Variants in TERF1 observed in about 807,000 individuals in gnomAD.
TERF1 encodes telomeric repeat-binding factor 1.
A neutral mutation model predicts 55.1 loss-of-function variants in TERF1; 20 were observed. That is an observed-to-expected ratio of 0.36 (90% CI 0.26 to 0.53). TERF1 has a LOEUF of 0.53. Ranked by LOEUF, TERF1 falls within the 20% of genes least tolerant of loss-of-function variation. The pLI, the probability that TERF1 is intolerant of heterozygous loss-of-function variation, is 0.91. For missense variants in TERF1, 439 were observed against 535.7 expected (o/e 0.82, Z 1.78); for synonymous variants, 168 against 181.2 (o/e 0.93, Z 0.59).
chr8:73,031,748 TA>T lies in TERF1; in HGVS notation c.948-292del, dbSNP rs541442564. 72 of 211,026 alleles carry T rather than the reference TA, an allele frequency of 3.4e-4. No homozygotes were observed. In the South Asian group the frequency reaches 7.3e-3, roughly 22 times the overall value. The allele number at this position is 211,026 out of a possible 1,614,324, so 13.1% of individuals were successfully genotyped here. ...TAAGGATTTTTTTCCTTGATGTATCTAATTGGAAGGCCGAAAGAGTCTTGTC... is the reference window on the plus strand; with the variant it reads ...TAAGGATTTTTTTCCTTGATGTATCTATTGGAAGGCCGAAAGAGTCTTGTC... On this transcript the variant is annotated intron_variant, in intron 7 of 9. Transcript: ENST00000276603.
intron 8 of TERF1, 122 bp downstream of exon 8, chr8:73,032,255 G>T: frequency 1.6e-6 from 1 of 637,928 alleles, no homozygotes; most frequent in Non-Finnish European, 2.6e-6. Context: ...ACAAAGTCTT[G>T]ACTTCATAGA....
rs2306493 is a variant in TERF1 at position 73,039,039 on chromosome 8, T to G, written c.1040-77T>G. On this transcript the variant is annotated intron_variant, in intron 8 of 9. Transcript: ENST00000276603. ...GAATAGCTTAGAAAAGGAATTTCAT[T>G]ATAATCATTAAAAATATAATTGCTC... 0.65 allele frequency: 676,879 copies of G among 1,040,120 alleles called. 226,074 individuals are homozygous for G. The highest frequency in any genetic ancestry group is 0.73 in the Middle Eastern group (2,290 of 3,138). The allele number at this position is 1,040,120 out of a possible 1,614,324, so 64.4% of individuals were successfully genotyped here. A position where few individuals can be genotyped will look rare whatever the true frequency, so the allele number is the denominator to read the frequency against.
chr8:73,008,872 A>C lies in TERF1; in HGVS notation c.-15A>C. On this transcript the variant is annotated 5_prime_UTR_variant, in exon 1 of 10. Transcript: ENST00000276603. Reference sequence around the variant, plus strand: ...TCGGCGCCTGAAGGGGCAGTACCCAAGCGAGCCATTTAACATGGCGGAGGA... The same window carrying C: ...TCGGCGCCTGAAGGGGCAGTACCCACGCGAGCCATTTAACATGGCGGAGGA... The C allele has an allele frequency of 6.3e-7, 1 of 1,593,136 alleles. No homozygotes were observed. Among genetic ancestry groups the C allele is most frequent in the Non-Finnish European group, 8.5e-7 (1 of 1,170,930 alleles).
intron 8 of TERF1, among the ~76,000 whole-genome samples, chr8:73,037,950 C>T (rs1809671789): frequency 8.3e-6 from 1 of 120,578 alleles, no homozygotes; most frequent in Non-Finnish European, 1.7e-5. Context: ...ATATATAAAA[C>T]ATATATATAT....
Position 73,030,375 on chromosome 8 carries a change from G to A in TERF1, c.927G>A (p.Glu309=). ...DKQSAVTESS[E]GTVSLLRSHK... is the part of the protein sequence containing the mutation. ...AGTCTGCGGTAACTGAATCCTCAGA[G>A]GGTACAGTATCCTTATTGAGGTGAA... is the stretch of plus-strand genomic sequence containing the variant. The change falls in exon 7 of 10, where the codon GAG becomes GAA. Residue 309 remains glutamate (E), a synonymous_variant. Coordinates refer to ENST00000276603, the MANE Select transcript of TERF1 (RefSeq NM_017489.3). 1.3e-6 allele frequency: 2 copies of A among 1,525,906 alleles called. No individual in the cohort carries two copies. The highest frequency in any genetic ancestry group is 1.7e-6 in the Non-Finnish European group (2 of 1,147,774). 94.5% of individuals were successfully genotyped at this position (1,525,906 alleles called of 1,614,324 possible). A position where few individuals can be genotyped will look rare whatever the true frequency, so the allele number is the denominator to read the frequency against.
rs1808146806 is a variant in TERF1 at position 73,008,977 on chromosome 8, A to G, written c.91A>G (p.Thr31Ala). ...CCCTACTGAGGAGCAGATGGCAGAA[A>G]CAGAGAGAAACGACGAGGAGCAGTT... ...ADPTEEQMAE[T>A]ERNDEEQFEC... Residue 31 changes from threonine (T) to alanine (A), a missense_variant, in exon 1 of 10, where the codon ACA becomes GCA. Around this residue, in one of 4 missense-constraint regions of TERF1, gnomAD observed 179 missense variants for 152.6 expected, o/e 1.17. Transcript: ENST00000276603. The G allele has an allele frequency of 3.7e-6, 6 of 1,612,738 alleles. No homozygotes were observed. Among genetic ancestry groups the G allele is most frequent in the Non-Finnish European group, 5.1e-6 (6 of 1,179,734 alleles).
intron 2 of TERF1, among the ~76,000 whole-genome samples, chr8:73,015,303 AC>A (rs1808453294): frequency 7.2e-6 from 1 of 139,650 alleles, no homozygotes; most frequent in Non-Finnish European, 1.5e-5. Flanking sequence ...GCTATACATA[AC>A]CCTTTTGCTT....
At chr8:73,025,059 A>G (rs770525217) in intron 5 of TERF1, 88 bp downstream of exon 5, 7 of 836,764 alleles carry the variant, frequency 8.4e-6, no homozygotes, top group Non-Finnish European at 1.2e-5. Context: ...ATCCTTTAAA[A>G]TTAATCAGAA....
At chr8:73,042,195 A>G (rs915559989) in intron 9 of TERF1, among the ~76,000 whole-genome samples, 5 of 152,140 alleles carry the variant, frequency 3.3e-5, no homozygotes, top group African/African-American at 4.8e-5. Context: ...CTTTCCCTAT[A>G]GTTCTTCCAG....
intron 4 of TERF1, among the ~76,000 whole-genome samples, chr8:73,023,255 A>G (rs149478666): frequency 5.2e-3 from 789 of 152,358 alleles, no homozygotes; most frequent in African/African-American, 0.018. Flanking sequence ...CAGTTCCTCC[A>G]GTAGTGTGAA....
intron 8 of TERF1, among the ~76,000 whole-genome samples, chr8:73,035,957 A>G (rs11786644): frequency 0.68 from 102,993 of 152,176 alleles, 35,583 homozygotes; most frequent in Middle Eastern, 0.77. Flanking sequence ...TACTTTATAG[A>G]TACAAAAGGT....
rs1239396235 is a variant in TERF1, at chr8:73,032,032, T to C, written c.948-10T>C. Reference sequence around the variant, plus strand: ...TGGAGCCAATTACAAACTTTCCTGTTTTATTTTAGGTCTCACAAGAATCTT... The same window carrying C: ...TGGAGCCAATTACAAACTTTCCTGTCTTATTTTAGGTCTCACAAGAATCTT... On this transcript the variant is annotated splice_polypyrimidine_tract_variant and intron_variant, in intron 7 of 9. Coordinates refer to ENST00000276603, the MANE Select transcript of TERF1 (RefSeq NM_017489.3). 5 of 1,600,082 alleles carry C rather than the reference T, an allele frequency of 3.1e-6. No homozygotes were observed. The highest frequency in any genetic ancestry group is 4.3e-6 in the Non-Finnish European group (5 of 1,173,572).
rs56261284 is a variant in TERF1 at position 73,030,026 on chromosome 8, A to G, written c.888-310A>G. The G allele has an allele frequency of 4.2e-3, 871 of 207,698 alleles. 40 individuals are homozygous for G. In the East Asian group the frequency reaches 0.078, roughly 19 times the overall value. 12.9% of individuals were successfully genotyped at this position (207,698 alleles called of 1,614,324 possible). On this transcript the variant is annotated intron_variant, in intron 6 of 9. Coordinates refer to ENST00000276603, the MANE Select transcript of TERF1 (RefSeq NM_017489.3). ...TTATGTATCAATTATACCTTAATAA[A>G]GCAGTTTTTAAAACTTGAATTCATG...
At chr8:73,020,593 C>A in intron 2 of TERF1, 91 bp from the exon 3 acceptor site, 1 of 1,128,126 alleles carries the variant, frequency 8.9e-7, no homozygotes, top group Non-Finnish European at 1.2e-6. Context: ...ATAGTATACA[C>A]TCAGTAAATA....
chr8:73,010,266 G>A (rs1478398320), intron 1 of TERF1: 8 of 152,130 alleles, frequency 5.3e-5, no homozygotes, highest in Non-Finnish European at 1.0e-4. Context: ...AGGTTAAAAG[G>A]GAGTGTTTCA....
chr8:73,025,343 T>G (rs957520992), intron 5 of TERF1, among the ~76,000 whole-genome samples: 1 of 152,226 alleles, frequency 6.6e-6, no homozygotes, highest in African/African-American at 2.4e-5. Context: ...AAAATTTTTC[T>G]AGGCCAGGCG....
chr8:73,032,210 A>G, intron 8 of TERF1, 77 bp downstream of exon 8: 1 of 1,023,668 alleles, frequency 9.8e-7, no homozygotes, highest in Non-Finnish European at 1.4e-6. Flanking sequence ...CTTTACCACT[A>G]TAGCAAAAAA....
intron 8 of TERF1, among the ~76,000 whole-genome samples, chr8:73,035,712 T>G (rs905259822): frequency 1.3e-5 from 2 of 152,248 alleles, no homozygotes; most frequent in African/African-American, 2.4e-5. Context: ...AGCACCTGTT[T>G]AAACATTTCT....
chr8:73,020,249 G>A (rs977456187), intron 2 of TERF1, among the ~76,000 whole-genome samples: 3 of 152,112 alleles, frequency 2.0e-5, no homozygotes, highest in African/African-American at 7.2e-5. Flanking sequence ...TTTTAGGAAA[G>A]CTTAATAATA....
Sources: gnomAD v4.1 joint callset for allele counts (sites outside exome capture counted in the v4.1 genomes callset) on GRCh38, gnomAD v4.1.1 for gene constraint, gnomAD v4.1.1 regional missense constraint, MANE v1.5 for transcripts, NCBI Gene and HGNC (gene_info 2026-07-23, HGNC 2026-07-21) for gene names.